RABL3: variants seen among roughly 807,000 people sequenced by gnomAD.
The protein encoded by RABL3 is rab-like protein 3.
Under a neutral mutation model 31.8 loss-of-function variants are expected in RABL3, and 31 were observed. The ratio of observed to expected loss-of-function variants is 0.97; its 90% confidence interval spans 0.73 to 1.31. RABL3 has a LOEUF of 1.31. RABL3 is among the 40% of genes most tolerant of loss of function. The pLI, the probability that RABL3 is intolerant of heterozygous loss-of-function variation, is 0.00. For synonymous variants in RABL3, 97 were observed against 99.9 expected (o/e 0.97, Z 0.18); for missense variants, 263 against 279.6 (o/e 0.94, Z 0.42).
At chr3:120,692,873 A>G (rs1490383344) in intron 6 of RABL3, among the ~76,000 whole-genome samples, 1 of 152,228 alleles carries the variant, frequency 6.6e-6, no homozygotes, top group Non-Finnish European at 1.5e-5. Flanking sequence ...TTTCCAGGTC[A>G]GGGCAGATCT....
intron 2 of RABL3, among the ~76,000 whole-genome samples, chr3:120,721,504 C>A (rs79799194): frequency 0.23 from 34,263 of 151,096 alleles, 4,529 homozygotes; most frequent in Non-Finnish European, 0.3. Flanking sequence ...AAATGGAAAA[C>A]AAAAAAAGGC....
intron 6 of RABL3, among the ~76,000 whole-genome samples, chr3:120,693,075 A>C (rs1708398549): frequency 6.6e-6 from 1 of 152,212 alleles, no homozygotes; most frequent in Non-Finnish European, 1.5e-5. Flanking sequence ...ACTGGAGAAA[A>C]TGGAAGCGGT....
At chr3:120,698,125 C>G (rs1349509817) in intron 5 of RABL3, among the ~76,000 whole-genome samples, 3 of 152,194 alleles carry the variant, frequency 2.0e-5, no homozygotes, top group Middle Eastern at 3.2e-3. Flanking sequence ...GAACGCGCCA[C>G]TGCACTCCAG....
intron 4 of RABL3, 43 bp downstream of exon 4, chr3:120,705,957 G>T: frequency 8.7e-7 from 1 of 1,143,726 alleles, no homozygotes; most frequent in Non-Finnish European, 1.3e-6. Flanking sequence ...GTACATTCCT[G>T]TGATTGCTAC....
intron 2 of RABL3, among the ~76,000 whole-genome samples, chr3:120,716,506 T>C (rs1220930465): frequency 1.3e-5 from 2 of 152,074 alleles, no homozygotes; most frequent in Non-Finnish European, 2.9e-5. Context: ...TCTTAATAGA[T>C]TTGAAGTAAA....
chr3:120,736,353 C>G (rs1708963376), intron 1 of RABL3, among the ~76,000 whole-genome samples: 1 of 152,306 alleles, frequency 6.6e-6, no homozygotes, highest in East Asian at 1.9e-4. Flanking sequence ...TTATCAGAAA[C>G]TAGGATTGCA....
At chr3:120,690,996 A>G (rs976424343) in intron 6 of RABL3, among the ~76,000 whole-genome samples, 6 of 152,178 alleles carry the variant, frequency 3.9e-5, no homozygotes, top group Admixed American at 3.9e-4. Flanking sequence ...CATCAAAAGC[A>G]GTCTAATGAC....
At position 120,731,536 on chromosome 3, in the gene RABL3, T is replaced by C. The variant is rs139758422; in HGVS notation, c.47-749A>G. ...TCATTCTAAGGGTAGCATTGAGAGA[T>C]TTGTATGAAGAGGAAAGGGAATGAG... On this transcript the variant is annotated intron_variant, in intron 1 of 7. Coordinates refer to ENST00000273375, the MANE Select transcript of RABL3 (RefSeq NM_173825.5). Among the ~76,000 whole-genome samples the C allele has an allele frequency of 9.5e-3, 1,449 of 152,242 alleles. 7 individuals carry two copies. Among genetic ancestry groups the C allele is most frequent in the Non-Finnish European group, 0.017 (1,129 of 68,016 alleles).
intron 1 of RABL3, among the ~76,000 whole-genome samples, chr3:120,741,832 G>T (rs1709047032): frequency 6.6e-6 from 1 of 152,158 alleles, no homozygotes; most frequent in South Asian, 2.1e-4. Flanking sequence ...AGGAAATTAA[G>T]CTCAGTTAAG....
intron 1 of RABL3, among the ~76,000 whole-genome samples, chr3:120,733,393 C>G (rs1250624480): frequency 2.6e-5 from 4 of 151,626 alleles, no homozygotes; most frequent in African/African-American, 9.7e-5. Flanking sequence ...GTCCTTCGCC[C>G]ACGTGTTGAT....
chr3:120,725,051 T>A (rs1323678790), intron 2 of RABL3, among the ~76,000 whole-genome samples: 4 of 151,976 alleles, frequency 2.6e-5, no homozygotes, highest in Admixed American at 2.6e-4. Flanking sequence ...AATCTACTCA[T>A]CTGACAAAGG....
chr3:120,725,516 T>G (rs867487896), intron 2 of RABL3, among the ~76,000 whole-genome samples: 4 of 152,348 alleles, frequency 2.6e-5, no homozygotes, highest in Middle Eastern at 3.4e-3. Flanking sequence ...ACTGCAGCAC[T>G]ATTCACAATA....
rs1313890532 is a variant in RABL3, at chr3:120,736,234, T to G, written c.47-5447A>C. Among the ~76,000 whole-genome samples the G allele has an allele frequency of 2.0e-5, 3 of 152,218 alleles. No homozygotes were observed. The East Asian group carries it at 5.8e-4, about 29-fold the overall frequency. On this transcript the variant is annotated intron_variant, in intron 1 of 7. Transcript: ENST00000273375. ...TTTATGAATCTGGGTGCTCCTGTAT[T>G]GGGTGCATATATGTTTAGGATAGTT...
At chr3:120,724,333 A>T (rs1708789157) in intron 2 of RABL3, among the ~76,000 whole-genome samples, 1 of 152,236 alleles carries the variant, frequency 6.6e-6, no homozygotes, top group Non-Finnish European at 1.5e-5. Flanking sequence ...TTCCATGCTC[A>T]TGGGTAGGCA....
chr3:120,720,717 C>A (rs537541416), intron 2 of RABL3, among the ~76,000 whole-genome samples: 1 of 152,314 alleles, frequency 6.6e-6, no homozygotes, highest in Non-Finnish European at 1.5e-5. Context: ...GACTGGTCTA[C>A]CTGAAAGTGA....
intron 2 of RABL3, among the ~76,000 whole-genome samples, chr3:120,717,287 A>C (rs1287067564): frequency 2.0e-4 from 31 of 151,958 alleles, no homozygotes; most frequent in Non-Finnish European, 3.1e-4. Flanking sequence ...AAACAACAAA[A>C]AAAAAAACAA....
intron 7 of RABL3, 42 bp from the exon 8 acceptor site, chr3:120,689,930 A>G (rs1708360209): frequency 3.3e-6 from 5 of 1,500,468 alleles, no homozygotes; most frequent in African/African-American, 1.4e-5. Context: ...TCAAGCAATA[A>G]AAGTTCAAAT....
intron 2 of RABL3, among the ~76,000 whole-genome samples, chr3:120,711,151 T>A (rs769467228): frequency 5.3e-5 from 8 of 152,142 alleles, no homozygotes; most frequent in Non-Finnish European, 1.2e-4. Flanking sequence ...GTCCTTCTTA[T>A]CTCTCTGATT....
rs1051537267 is a variant in RABL3, at chr3:120,686,975, T to C, written c.*2848A>G. On this transcript the variant is annotated 3_prime_UTR_variant, in exon 8 of 8. Coordinates refer to ENST00000273375, the MANE Select transcript of RABL3 (RefSeq NM_173825.5). ...GAACAGTCACTTAGGGTTTATGGCC[T>C]GCTTCAGGGGAGAAGGGGTAAGGGG... 4 of 152,216 alleles carry C rather than the reference T, an allele frequency of 2.6e-5. No homozygotes were observed. Among genetic ancestry groups the C allele is most frequent in the African/African-American group, 9.7e-5 (4 of 41,450 alleles). The allele number at this position is 152,216 out of a possible 1,614,324, so 9.4% of individuals were successfully genotyped here.
Sources: allele counts gnomAD v4.1 joint callset (sites outside exome capture counted in the v4.1 genomes callset), GRCh38; gene constraint gnomAD v4.1.1; transcripts MANE v1.5; gene names NCBI Gene and HGNC (gene_info 2026-07-23, HGNC 2026-07-21).